ADAMTS17: variants seen among roughly 807,000 people sequenced by gnomAD.
ADAMTS17 encodes ADAM metallopeptidase with thrombospondin type 1 motif 17.
ADAMTS17 carries 113 observed loss-of-function variants against 141.5 expected under a neutral mutation model. The ratio of observed to expected loss-of-function variants is 0.80; its 90% CI spans 0.69 to 0.93. ADAMTS17 has a LOEUF of 0.93. Among genes scored for constraint, ADAMTS17 ranks in the 40% least tolerant of loss-of-function variants. The pLI is 0.00. For missense variants in ADAMTS17, 1,659 were observed against 1,517.9 expected, an observed-to-expected ratio of 1.09 and a Z score of -1.54; for synonymous variants, 768 against 630.6, an observed-to-expected ratio of 1.22 and a Z score of -3.27.
chr15:100,318,886 T>C (rs905274413), intron 3 of ADAMTS17, among the ~76,000 whole-genome samples: 4 of 152,218 alleles, frequency 2.6e-5, no homozygotes, highest in African/African-American at 4.8e-5. Flanking sequence ...ACCCCGCCCA[T>C]GGCACAGGGG....
chr15:100,272,317 T>C (rs12440224), intron 4 of ADAMTS17, among the ~76,000 whole-genome samples: 10,967 of 152,196 alleles, frequency 0.072, 626 homozygotes, highest in East Asian at 0.23. Context: ...TAACAATAAG[T>C]CTTCCACTCC....
At chr15:100,222,988 CTTT>C (rs2042182163) in intron 7 of ADAMTS17, among the ~76,000 whole-genome samples, 1 of 152,206 alleles carries the variant, frequency 6.6e-6, no homozygotes, top group South Asian at 2.1e-4. Context: ...GAAAGCTAGG[CTTT>C]CACATTTCTT....
At chr15:100,128,374 G>A (rs2037855781) in intron 12 of ADAMTS17, 1 of 152,218 alleles carries the variant, frequency 6.6e-6, no homozygotes, top group South Asian at 2.1e-4. Flanking sequence ...TGGGAATGCT[G>A]CAGGCTCTTT....
intron 3 of ADAMTS17, among the ~76,000 whole-genome samples, chr15:100,290,797 T>G (rs2044601981): frequency 6.6e-6 from 1 of 152,070 alleles, no homozygotes; most frequent in African/African-American, 2.4e-5. Flanking sequence ...ATAACTTATT[T>G]GCAGAAGATT....
intron 3 of ADAMTS17, among the ~76,000 whole-genome samples, chr15:100,316,337 T>A (rs2045564973): frequency 6.6e-6 from 1 of 152,200 alleles, no homozygotes; most frequent in Non-Finnish European, 1.5e-5. Context: ...GCCCACTCCC[T>A]TGGCCTGCAC....
At chr15:100,054,087 G>C (rs776035716) in intron 15 of ADAMTS17, 33 bp from the exon 16 acceptor site, 1 of 1,613,978 alleles carries the variant, frequency 6.2e-7, no homozygotes, top group Non-Finnish European at 8.5e-7. Context: ...AAGAATCAAG[G>C]GGCTGGGGGT....
At chr15:100,073,346 T>A (rs543619585) in intron 15 of ADAMTS17, among the ~76,000 whole-genome samples, 14 of 152,288 alleles carry the variant, frequency 9.2e-5, no homozygotes, top group African/African-American at 2.6e-4. Context: ...ATTGTGGAAG[T>A]CAGTGTGGCG....
At chr15:100,202,977 T>A (rs1187500773) in intron 7 of ADAMTS17, among the ~76,000 whole-genome samples, 1 of 138,580 alleles carries the variant, frequency 7.2e-6, no homozygotes, top group Non-Finnish European at 1.5e-5. Context: ...CAGAACTTAT[T>A]TAAAAATTTT....
chr15:100,166,932 A>C (rs2039972375), intron 8 of ADAMTS17, among the ~76,000 whole-genome samples: 1 of 152,222 alleles, frequency 6.6e-6, no homozygotes, highest in Admixed American at 6.5e-5. Context: ...GGTGGGGATC[A>C]CAGAGAAATC....
intron 4 of ADAMTS17, among the ~76,000 whole-genome samples, chr15:100,275,302 C>A (rs1370834598): frequency 6.6e-6 from 1 of 152,166 alleles, no homozygotes; most frequent in Non-Finnish European, 1.5e-5. Context: ...ACATGAAAGG[C>A]AGGGGGTGGG....
intron 15 of ADAMTS17, among the ~76,000 whole-genome samples, chr15:100,057,920 A>G (rs941559130): frequency 4.6e-5 from 7 of 152,108 alleles, no homozygotes; most frequent in African/African-American, 1.7e-4. Flanking sequence ...AGCAACTGAG[A>G]GCTGGGTTTG....
intron 15 of ADAMTS17, among the ~76,000 whole-genome samples, chr15:100,081,073 G>C (rs561643099): frequency 6.6e-6 from 1 of 152,294 alleles, no homozygotes; most frequent in East Asian, 1.9e-4. Context: ...TAACATTTGG[G>C]TCAGGGGGCT....
In ADAMTS17 at chr15:100,200,798, A is replaced by G. The variant is rs147448693; in HGVS notation, c.1076-1375T>C. Reference sequence around the variant, plus strand: ...CAGGAAGGAGCACTTGCTCTCCCCCATGGGCTGTCCCTCTGTCGAGCTGCA... The same window carrying G: ...CAGGAAGGAGCACTTGCTCTCCCCCGTGGGCTGTCCCTCTGTCGAGCTGCA... On this transcript the variant is annotated intron_variant, in intron 7 of 21. Transcript: ENST00000268070. 3.1e-3 allele frequency among the ~76,000 whole-genome samples: 473 copies of G among 152,148 alleles called. 6 individuals are homozygous for G. Among genetic ancestry groups the G allele is most frequent in the African/African-American group, 0.011 (465 of 41,488 alleles).
intron 3 of ADAMTS17, among the ~76,000 whole-genome samples, chr15:100,298,427 C>T (rs1353406640): frequency 6.6e-6 from 1 of 152,098 alleles, no homozygotes; most frequent in Non-Finnish European, 1.5e-5. Context: ...CTGTGGTCGA[C>T]CCTGCGCTGG....
chr15:99,977,406 T>A (rs1349165649), intron 20 of ADAMTS17, among the ~76,000 whole-genome samples: 3 of 69,674 alleles, frequency 4.3e-5, no homozygotes, highest in African/African-American at 2.2e-4. Flanking sequence ...ATATAATTTT[T>A]TTTTTTTTTT....
At chr15:100,099,535 T>C (rs145408488) in intron 14 of ADAMTS17, among the ~76,000 whole-genome samples, 87 of 152,294 alleles carry the variant, frequency 5.7e-4, no homozygotes, top group African/African-American at 2.0e-3. Context: ...GGCAATAAAC[T>C]CTCTCAAGTC....
At chr15:100,334,901 C>T (rs1417869040) in intron 2 of ADAMTS17, among the ~76,000 whole-genome samples, 2 of 152,146 alleles carry the variant, frequency 1.3e-5, no homozygotes, top group Non-Finnish European at 2.9e-5. Flanking sequence ...GTGTGGTCTT[C>T]CTTCCTTTCT....
chr15:100,184,187 C>T (rs2040622877), intron 8 of ADAMTS17, among the ~76,000 whole-genome samples: 2 of 152,152 alleles, frequency 1.3e-5, no homozygotes, highest in South Asian at 4.1e-4. Flanking sequence ...TCAGGCTCCC[C>T]ATGTGGTCTC....
At chr15:99,979,468 G>C (rs1203638283) in intron 20 of ADAMTS17, 1 of 152,202 alleles carries the variant, frequency 6.6e-6, no homozygotes, top group Admixed American at 6.5e-5. Context: ...AAATGTGGTA[G>C]ATGAAGGGAA....
Sources: allele counts gnomAD v4.1 joint callset (sites outside exome capture counted in the v4.1 genomes callset), GRCh38; gene constraint gnomAD v4.1.1; transcripts MANE v1.5; gene names NCBI Gene and HGNC (gene_info 2026-07-23, HGNC 2026-07-21).